STIMATE: variants seen among roughly 807,000 people sequenced by gnomAD.
STIMATE encodes the protein store-operated calcium entry regulator STIMATE.
STIMATE carries 15 observed loss-of-function variants against 36.7 expected under a neutral mutation model. That is an observed-to-expected ratio of 0.41 (90% confidence interval 0.27 to 0.63). The LOEUF (loss-of-function observed/expected upper bound fraction) is 0.63. STIMATE is among the 20% of genes least tolerant of loss of function. The pLI, the probability that STIMATE is intolerant of heterozygous loss-of-function variation, is 0.32. For synonymous variants in STIMATE, 163 were observed against 162.3 expected (o/e 1.00, Z -0.03); for missense variants, 305 against 397.3 (o/e 0.77, Z 1.98).
rs550076046 is a variant in STIMATE, at chr3:52,846,836, T to C, written c.428-1895A>G. Among the ~76,000 whole-genome samples the C allele has an allele frequency of 4.6e-3, 696 of 152,352 alleles. 6 individuals are homozygous for C. Among genetic ancestry groups the C allele is most frequent in the African/African-American group, 0.016 (652 of 41,588 alleles). ...CTGTTTCACTTGCGAGTCTTTCAGATGTCCCCCACAGTCTCCTCTTTAAAG... is the reference window on the plus strand; with the variant it reads ...CTGTTTCACTTGCGAGTCTTTCAGACGTCCCCCACAGTCTCCTCTTTAAAG... On this transcript the variant is annotated intron_variant, in intron 4 of 7. Coordinates refer to ENST00000355083, the MANE Select transcript of STIMATE (RefSeq NM_198563.5).
rs2106745496 is a variant in STIMATE at position 52,897,405 on chromosome 3, G to A, written c.46C>T (p.Pro16Ser). The A allele has an allele frequency of 6.8e-7, 1 of 1,478,964 alleles. No homozygotes were observed. Among genetic ancestry groups the A allele is most frequent in the Non-Finnish European group, 8.9e-7 (1 of 1,121,762 alleles). 91.6% of individuals were successfully genotyped at this position (1,478,964 alleles called of 1,614,324 possible). A position where few individuals can be genotyped will look rare whatever the true frequency, so the allele number is the denominator to read the frequency against. Residue 16 changes from proline to serine, a missense_variant, in exon 1 of 8, where the codon CCG becomes TCG. Physicochemically the swap from Pro to Ser is moderately conservative, Grantham distance 74. This residue lies in a region of STIMATE where 57 missense variants were observed against 57.1 expected (regional missense o/e 1.00). Coordinates refer to ENST00000355083, the MANE Select transcript of STIMATE (RefSeq NM_198563.5). ...GCCCCGGACGCGACTGTGGAGGGCG[G>A]CCCGCCTGGCAGTCCCCGGCTCGCG... ...GNASRGLPGG[P>S]PSTVASGAGR...
intron 1 of STIMATE, among the ~76,000 whole-genome samples, chr3:52,871,163 AT>A (rs1220360937): frequency 2.6e-5 from 4 of 152,168 alleles, no homozygotes; most frequent in Non-Finnish European, 5.9e-5. Context: ...AGATATTTTC[AT>A]GCTGGAATTT....
intron 1 of STIMATE, among the ~76,000 whole-genome samples, chr3:52,873,928 A>C (rs1475846486): frequency 6.6e-6 from 1 of 152,230 alleles, no homozygotes; most frequent in Admixed American, 6.5e-5. Context: ...CAGGAATTTC[A>C]TTCAATCTCA....
At chr3:52,853,937 C>T (rs1255248184) in intron 2 of STIMATE, among the ~76,000 whole-genome samples, 8 of 152,162 alleles carry the variant, frequency 5.3e-5, no homozygotes, top group Non-Finnish European at 4.4e-5. Context: ...TGTATCCTTC[C>T]AAGTGATGTA....
At position 52,859,714 on chromosome 3, in the gene STIMATE, C is replaced by T. The variant is rs372481279; in HGVS notation, c.161-4270G>A. Among the ~76,000 whole-genome samples, 102 of 151,242 alleles carry T rather than the reference C, an allele frequency of 6.7e-4. 1 individual carries two copies. In the East Asian group the frequency reaches 0.011, roughly 16 times the overall value. On this transcript the variant is annotated intron_variant, in intron 1 of 7. Coordinates refer to ENST00000355083, the MANE Select transcript of STIMATE (RefSeq NM_198563.5). ...AGAAAAAAAGAAAAAAATCCAAGGG[C>T]TACTTTTGATTAAAGGAATTATGGA...
intron 4 of STIMATE, among the ~76,000 whole-genome samples, chr3:52,847,868 T>C (rs981388210): frequency 6.6e-6 from 1 of 152,086 alleles, no homozygotes; most frequent in African/African-American, 2.4e-5. Context: ...CTGCAGGAAG[T>C]CAGGGCAACT....
chr3:52,842,703 A>G, intron 7 of STIMATE, 108 bp downstream of exon 7: 1 of 1,562,446 alleles, frequency 6.4e-7, no homozygotes, highest in Non-Finnish European at 8.7e-7. Context: ...TCTGGCTCGC[A>G]CTGTGACTCT....
At chr3:52,844,730 C>CAG (rs10637428) in intron 5 of STIMATE, 99 bp downstream of exon 5, 1,348,483 of 1,377,406 alleles carry the variant, frequency 0.98, 664,620 homozygotes, top group East Asian at 1. Context: ...AGAGTTAAAA[C>CAG]AAGTTTGGTT....
intron 1 of STIMATE, among the ~76,000 whole-genome samples, chr3:52,864,597 G>A (rs559931701): frequency 6.6e-6 from 1 of 152,250 alleles, no homozygotes; most frequent in African/African-American, 2.4e-5. Context: ...CAGAAAATGG[G>A]TTTTTCTTTT....
intron 1 of STIMATE, among the ~76,000 whole-genome samples, chr3:52,882,405 T>C (rs891626804): frequency 3.3e-5 from 5 of 152,070 alleles, no homozygotes; most frequent in Non-Finnish European, 5.9e-5. Flanking sequence ...ACATCATGAG[T>C]GGGGATGGCT....
rs1367905660 is a variant in STIMATE, at chr3:52,897,529, G to A, written c.-79C>T. 6 of 1,181,844 alleles carry A rather than the reference G, an allele frequency of 5.1e-6. No homozygotes were observed. In the African/African-American group the frequency reaches 8.0e-5, roughly 16 times the overall value. 73.2% of individuals were successfully genotyped at this position (1,181,844 alleles called of 1,614,324 possible). On this transcript the variant is annotated 5_prime_UTR_variant, in exon 1 of 8. Transcript: ENST00000355083. ...CTGCCGGCGCAGCGCCGCCAAACCC[G>A]CAGCCGGGATCCCAAGCCTGAGCCG...
At chr3:52,897,231 G>T in intron 1 of STIMATE, 60 bp downstream of exon 1, 16 of 1,515,014 alleles carry the variant, frequency 1.1e-5, no homozygotes, top group Non-Finnish European at 1.2e-5. Context: ...GGGCCCCCAG[G>T]GGGGCCGGGC....
chr3:52,864,706 A>G (rs1237914839), intron 1 of STIMATE, among the ~76,000 whole-genome samples: 1 of 152,200 alleles, frequency 6.6e-6, no homozygotes, highest in Non-Finnish European at 1.5e-5. Flanking sequence ...CACCTCTTGA[A>G]TGCCTTGCTG....
chr3:52,844,405 C>T (rs1700858820), intron 5 of STIMATE, among the ~76,000 whole-genome samples: 1 of 152,204 alleles, frequency 6.6e-6, no homozygotes, highest in African/African-American at 2.4e-5. Flanking sequence ...GGTTGGGGAG[C>T]CCGTGGGCTG....
chr3:52,897,477 G>T lies in STIMATE; in HGVS notation c.-27C>A. 4 of 1,226,040 alleles carry T rather than the reference G, an allele frequency of 3.3e-6. No homozygotes were observed. Among genetic ancestry groups the T allele is most frequent in the Non-Finnish European group, 4.1e-6 (4 of 985,066 alleles). The allele number at this position is 1,226,040 out of a possible 1,614,324, so 75.9% of individuals were successfully genotyped here. On this transcript the variant is annotated 5_prime_UTR_variant, in exon 1 of 8. Coordinates refer to ENST00000355083, the MANE Select transcript of STIMATE (RefSeq NM_198563.5). ...ACAGGCCTCGCGGGAGGGGCGCGAGGGCCCAGGGCCCGCCCGGCCTCGCTG... is the reference window on the plus strand; with the variant it reads ...ACAGGCCTCGCGGGAGGGGCGCGAGTGCCCAGGGCCCGCCCGGCCTCGCTG...
Position 52,840,518 on chromosome 3 carries a change from C to T in STIMATE, c.861G>A (p.Lys287=), listed in dbSNP as rs1276529239. ...LTPLKPVKKK[K]HRFGLPV ...GTCATACGGGTAGCCCAAAGCGGTGCTTCTTTTTCTTCACAGGCTTGAGGG... is the reference window on the plus strand; with the variant it reads ...GTCATACGGGTAGCCCAAAGCGGTGTTTCTTTTTCTTCACAGGCTTGAGGG... The change falls in exon 8 of 8, where the codon AAG becomes AAA. Residue 287 remains lysine (K), a synonymous_variant. Coordinates refer to ENST00000355083, the MANE Select transcript of STIMATE (RefSeq NM_198563.5). The T allele has an allele frequency of 1.9e-6, 3 of 1,614,016 alleles. 1 individual carries two copies. Among genetic ancestry groups the T allele is most frequent in the Middle Eastern group, 3.3e-4 (2 of 6,082 alleles).
In STIMATE at chr3:52,837,062, C is replaced by CT; in HGVS notation, c.*3431_*3432insA. ...AAGCCCCTCAGAGCTGCTAATGTTT[C>CT]ACGAAGTAAAACAGAGAGCTCTGCA... On this transcript the variant is annotated 3_prime_UTR_variant, in exon 8 of 8. Transcript: ENST00000355083. The CT allele has an allele frequency of 6.3e-6, 1 of 158,744 alleles. No homozygotes were observed. Among genetic ancestry groups the CT allele is most frequent in the Non-Finnish European group, 1.4e-5 (1 of 71,856 alleles). 9.8% of individuals were successfully genotyped at this position (158,744 alleles called of 1,614,324 possible).
At position 52,842,800 on chromosome 3, in the gene STIMATE, G is replaced by T. The variant is rs112217796; in HGVS notation, c.768+11C>A. 9,354 of 1,614,078 alleles carry T rather than the reference G, an allele frequency of 5.8e-3. 514 individuals are homozygous for T. In the African/African-American group the frequency reaches 0.11, roughly 19 times the overall value. On this transcript the variant is annotated intron_variant, in intron 7 of 7. Coordinates refer to ENST00000355083, the MANE Select transcript of STIMATE (RefSeq NM_198563.5). ...ACGGCTTGGGCCCTTGGAGAGTCAG[G>T]GAGGCCCTACCTCAGACTCAGACTC...
chr3:52,856,980 A>G (rs1007238726), intron 1 of STIMATE, among the ~76,000 whole-genome samples: 2 of 152,256 alleles, frequency 1.3e-5, no homozygotes, highest in African/African-American at 4.8e-5. Context: ...ACCAAGGAAG[A>G]AACAGATGCT....
Sources: gnomAD v4.1 joint callset for allele counts (sites outside exome capture counted in the v4.1 genomes callset) on GRCh38, gnomAD v4.1.1 for gene constraint, gnomAD v4.1.1 regional missense constraint, MANE v1.5 for transcripts, NCBI Gene and HGNC (gene_info 2026-07-23, HGNC 2026-07-21) for gene names.